SPG7: variants seen among roughly 807,000 people sequenced by gnomAD.
SPG7 encodes the protein mitochondrial inner membrane m-AAA protease component paraplegin.
A neutral mutation model predicts 81.9 loss-of-function variants in SPG7; 103 were observed. That is an observed-to-expected ratio of 1.26 (90% CI 1.07 to 1.48). The LOEUF (loss-of-function observed/expected upper bound fraction) is 1.48, where lower values mean the gene tolerates loss of function less well. Among genes scored for constraint, SPG7 ranks in the 40% most tolerant of loss-of-function variants. The pLI, the probability that SPG7 is intolerant of heterozygous loss-of-function variation, is 0.00. For synonymous variants in SPG7, 534 were observed against 444.2 expected (o/e 1.20, Z -2.54); for missense variants, 1,241 against 1,087.3 (o/e 1.14, Z -1.99).
chr16:89,554,691 A>G (rs1279880674), intron 16 of SPG7, 128 bp downstream of exon 16: 1 of 701,890 alleles, frequency 1.4e-6, no homozygotes, highest in East Asian at 2.7e-5. Flanking sequence ...ACCGATGTGA[A>G]TTCTACCCAG....
intron 3 of SPG7, among the ~76,000 whole-genome samples, chr16:89,515,181 G>C (rs6500424): frequency 0.48 from 72,069 of 149,542 alleles, 17,471 homozygotes; most frequent in East Asian, 0.68. Context: ...CGTGATCTGC[G>C]TGCCTCAGCC....
At chr16:89,526,713 C>G (rs1012038076) in intron 5 of SPG7, 26 of 466,334 alleles carry the variant, frequency 5.6e-5, no homozygotes, top group Non-Finnish European at 9.5e-5. Context: ...CTGAGGATGC[C>G]TAAGCCCCTG....
intron 9 of SPG7, chr16:89,533,702 C>G (rs1434527032): frequency 1.3e-5 from 2 of 152,060 alleles, no homozygotes; most frequent in African/African-American, 2.4e-5. Context: ...GTTGTGACCC[C>G]TTGAAAATGA....
chr16:89,526,646 A>C, intron 5 of SPG7, 178 bp downstream of exon 5: 3 of 680,614 alleles, frequency 4.4e-6, no homozygotes, highest in Non-Finnish European at 7.7e-6. Flanking sequence ...TTGGAAATAT[A>C]GTTATCCCTG....
At chr16:89,535,730 T>C (rs1038940610) in intron 9 of SPG7, among the ~76,000 whole-genome samples, 2 of 152,236 alleles carry the variant, frequency 1.3e-5, no homozygotes, top group African/African-American at 2.4e-5. Flanking sequence ...AGAGCTGCCC[T>C]GTACCTCAAG....
intron 3 of SPG7, chr16:89,518,572 C>G (rs935714019): frequency 1.3e-5 from 2 of 149,618 alleles, no homozygotes; most frequent in Admixed American, 6.7e-5. Context: ...TCACTGATAA[C>G]GCGGGTGAAC....
chr16:89,550,112 CG>C (rs1317596468), intron 12 of SPG7: 7 of 340,740 alleles, frequency 2.1e-5, no homozygotes, highest in Non-Finnish European at 4.0e-5. Flanking sequence ...TTTGACCACA[CG>C]GGGCAGGAGC....
chr16:89,509,209 C>G (rs2057978258), intron 1 of SPG7, among the ~76,000 whole-genome samples: 1 of 152,096 alleles, frequency 6.6e-6, no homozygotes, highest in African/African-American at 2.4e-5. Flanking sequence ...ATGTTTTTTT[C>G]TCCTAGCCCT....
rs575969947 is a variant in SPG7 at position 89,518,618 on chromosome 16, G to A, written c.377-5388G>A. 14 of 152,106 alleles carry A rather than the reference G, an allele frequency of 9.2e-5. No individual in the cohort carries two copies. The South Asian group carries it at 1.7e-3, about 18-fold the overall frequency. 9.4% of individuals were successfully genotyped at this position (152,106 alleles called of 1,614,324 possible). ...TTACACGGAGTGGAAAAAAGGCCCC[G>A]CTCACTGATAACGCGGGTGAACCCA... On this transcript the variant is annotated intron_variant, in intron 3 of 16. Coordinates refer to ENST00000645818, the MANE Select transcript of SPG7 (RefSeq NM_003119.4).
At chr16:89,523,973 T>C (rs778232363) in intron 3 of SPG7, 33 bp from the exon 4 acceptor site, 1 of 1,608,936 alleles carries the variant, frequency 6.2e-7, no homozygotes, top group South Asian at 1.1e-5. Context: ...GCTCATGTGT[T>C]TGTTTCTCCC....
intron 12 of SPG7, chr16:89,548,847 C>T (rs371926406): frequency 5.5e-5 from 24 of 434,608 alleles, no homozygotes; most frequent in African/African-American, 3.6e-4. Context: ...ACAGGTTGAA[C>T]GTTTGAAAAG....
At position 89,548,296 on chromosome 16, in the gene SPG7, T is replaced by C. The variant is rs141886016; in HGVS notation, c.1663+183T>C. The C allele has an allele frequency of 1.2e-5, 7 of 583,426 alleles. No individual in the cohort carries two copies. In the East Asian group the frequency reaches 1.7e-4, roughly 14 times the overall value. The allele number at this position is 583,426 out of a possible 1,614,324, so 36.1% of individuals were successfully genotyped here. ...TTGTACTTTTCCTTAGTTTAAAATA[T>C]CACAGATTTACCTAAGAGTAGACGC... On this transcript the variant is annotated intron_variant, in intron 12 of 16. Coordinates refer to ENST00000645818, the MANE Select transcript of SPG7 (RefSeq NM_003119.4).
At chr16:89,544,431 C>A in intron 9 of SPG7, 1 of 559,376 alleles carries the variant, frequency 1.8e-6, no homozygotes, top group Admixed American at 2.5e-5. Context: ...CTGCTGTTTG[C>A]ACTTGTCAAA....
rs529462112 is a variant in SPG7 at position 89,525,695 on chromosome 16, C to T, written c.619-634C>T. Among the ~76,000 whole-genome samples, 13 of 152,324 alleles carry T rather than the reference C, an allele frequency of 8.5e-5. No homozygotes were observed. In the South Asian group the frequency reaches 2.5e-3, roughly 29 times the overall value. ...TTTGGAGAATCGTGTGCCAGGGAGA[C>T]GGACCTGTTGGTGTCCTGGTGTGAG... On this transcript the variant is annotated intron_variant, in intron 4 of 16. Coordinates refer to ENST00000645818, the MANE Select transcript of SPG7 (RefSeq NM_003119.4).
Position 89,531,953 on chromosome 16 carries a change from T to TG in SPG7, c.1038dup (p.Leu347AlafsTer49). On this transcript the variant is annotated frameshift_variant, in exon 8 of 17. Transcript: ENST00000645818. LOFTEE classifies it high-confidence loss of function. ...GGCGCCAAGGTCCCAAAGGGCGCAC[T>TG]GCTGCTCGGCCCCCCCGGCTGTGGG... is the stretch of plus-strand genomic sequence containing the variant. The TG allele has an allele frequency of 6.2e-7, 1 of 1,614,124 alleles. No homozygotes were observed. Among genetic ancestry groups the TG allele is most frequent in the South Asian group, 1.1e-5 (1 of 91,080 alleles).
At chr16:89,526,549 C>T in intron 5 of SPG7, 81 bp downstream of exon 5, 1 of 1,527,724 alleles carries the variant, frequency 6.5e-7, no homozygotes, top group South Asian at 1.1e-5. Flanking sequence ...AATCAAAAAT[C>T]TCAAACTGTC....
intron 3 of SPG7, chr16:89,516,876 T>C (rs1372932394): frequency 6.7e-6 from 1 of 149,012 alleles, no homozygotes; most frequent in African/African-American, 2.5e-5. Context: ...AAAAAAAAAA[T>C]TAAGAAAGAA....
intron 5 of SPG7, among the ~76,000 whole-genome samples, chr16:89,528,346 A>C (rs1312500566): frequency 6.7e-6 from 1 of 150,166 alleles, no homozygotes; most frequent in Non-Finnish European, 1.5e-5. Context: ...GAGCCAAGAT[A>C]GCACCACTGC....
In SPG7 at chr16:89,508,426, G is replaced by T. The variant is rs553241838; in HGVS notation, c.9G>T (p.Val3=). 3,125 of 1,480,564 alleles carry T rather than the reference G, an allele frequency of 2.1e-3. 61 individuals carry two copies. In the African/African-American group the frequency reaches 0.039, roughly 19 times the overall value. The allele number at this position is 1,480,564 out of a possible 1,614,324, so 91.7% of individuals were successfully genotyped here. A position where few individuals can be genotyped will look rare whatever the true frequency, so the allele number is the denominator to read the frequency against. ...GCGGCTTTCAGGCCAACATGGCCGT[G>T]CTGCTGCTGCTGCTCCGTGCCCTCC... is the stretch of plus-strand genomic sequence containing the variant. MA[V]LLLLLRALRR... The change falls in exon 1 of 17, where the codon GTG becomes GTT. Residue 3 remains valine, a synonymous_variant. Transcript: ENST00000645818.
Sources: gnomAD v4.1 joint callset for allele counts (sites outside exome capture counted in the v4.1 genomes callset) on GRCh38, gnomAD v4.1.1 for gene constraint, MANE v1.5 for transcripts, NCBI Gene and HGNC (gene_info 2026-07-23, HGNC 2026-07-21) for gene names.